Variants in SYCP3 observed in about 807,000 individuals in gnomAD.
SYCP3 encodes synaptonemal complex protein 3.
In SYCP3, 29 loss-of-function variants were observed where a neutral mutation model predicts 38.5. That is an observed-to-expected ratio of 0.75 (90% CI 0.56 to 1.03). The LOEUF (loss-of-function observed/expected upper bound fraction) is 1.03, where lower values mean the gene tolerates loss of function less well. Among genes scored for constraint, SYCP3 ranks in the 50% least tolerant of loss-of-function variants. SYCP3 has a pLI of 0.00. For synonymous variants in SYCP3, 79 were observed against 80.3 expected (o/e 0.98, Z 0.08); for missense variants, 242 against 270.7 (o/e 0.89, Z 0.74).
intron 4 of SYCP3, among the ~76,000 whole-genome samples, chr12:101,735,872 T>TATATATATATA (rs200896843): frequency 1.4e-4 from 10 of 69,490 alleles, no homozygotes; most frequent in Admixed American, 2.8e-4. Context: ...TATATATATA[T>TATATATATATA]TTTTTTTTTT....
chr12:101,736,037 A>AAT (rs1952429609), intron 4 of SYCP3, among the ~76,000 whole-genome samples: 1 of 150,006 alleles, frequency 6.7e-6, no homozygotes, highest in East Asian at 2.0e-4. Context: ...TTTTTTACTA[A>AAT]GAGACAAAGA....
At chr12:101,737,330 G>C (rs1056150494) in intron 2 of SYCP3, 32 bp from the exon 3 acceptor site, 66 of 1,188,384 alleles carry the variant, frequency 5.6e-5, no homozygotes, top group Non-Finnish European at 7.8e-5. Flanking sequence ...AAAAAAAAAA[G>C]CTTTTGAAAC....
intron 1 of SYCP3, among the ~76,000 whole-genome samples, chr12:101,738,610 C>G (rs1311299075): frequency 6.6e-6 from 1 of 152,162 alleles, no homozygotes; most frequent in African/African-American, 2.4e-5. Flanking sequence ...GTGGCGGGTG[C>G]CTATGATCTC....
rs11110986 is a variant in SYCP3, at chr12:101,731,312, G to A, written c.552+256C>T. ...ATGACTGAAGTGTTATTAAAGTATG[G>A]ATTTTATGCATGATAAGTATATTTC... On this transcript the variant is annotated intron_variant, in intron 7 of 8. Transcript: ENST00000392924. Among the ~76,000 whole-genome samples, 27,073 of 151,990 alleles carry A rather than the reference G, an allele frequency of 0.18. 2,774 individuals carry two copies. Among genetic ancestry groups the A allele is most frequent in the East Asian group, 0.49 (2,519 of 5,174 alleles).
chr12:101,736,934 G>T, intron 4 of SYCP3, 103 bp downstream of exon 4: 1 of 1,033,410 alleles, frequency 9.7e-7, no homozygotes, highest in Non-Finnish European at 1.5e-6. Context: ...TGAGAACAAG[G>T]CATTAAATAA....
intron 5 of SYCP3, among the ~76,000 whole-genome samples, 186 bp from the exon 6 acceptor site, chr12:101,733,860 AAACT>A (rs1952285337): frequency 6.6e-6 from 1 of 152,136 alleles, no homozygotes; most frequent in Non-Finnish European, 1.5e-5. Context: ...TTTTTCTAAC[AAACT>A]AATAGAAGAA....
chr12:101,732,320 A>C (rs1037130422), intron 6 of SYCP3: 5 of 152,266 alleles, frequency 3.3e-5, no homozygotes, highest in Non-Finnish European at 7.3e-5. Context: ...TCAATAATCT[A>C]TCAGTGCCAC....
chr12:101,737,401 T>C (rs1281777319), intron 2 of SYCP3, 103 bp from the exon 3 acceptor site: 2 of 1,095,196 alleles, frequency 1.8e-6, no homozygotes, highest in South Asian at 1.4e-5. Flanking sequence ...TTTAGGCTTT[T>C]TGCCAACATA....
rs1328511183 is a variant in SYCP3 at position 101,739,390 on chromosome 12, G to T, written c.-57C>A. ...AATGGCCGAGGACCAGTTACTGGTC[G>T]TCGACAGGCGTCCTCCACAACTCCT... On this transcript the variant is annotated 5_prime_UTR_variant, in exon 1 of 9. Transcript: ENST00000392924. 1 of 1,002,600 alleles carries T rather than the reference G, an allele frequency of 1.0e-6. No individual in the cohort carries two copies. The highest frequency in any genetic ancestry group is 1.7e-5 in the African/African-American group (1 of 57,324). 62.1% of individuals were successfully genotyped at this position (1,002,600 alleles called of 1,614,324 possible).
intron 5 of SYCP3, among the ~76,000 whole-genome samples, chr12:101,734,653 T>C (rs1952327398): frequency 6.6e-6 from 1 of 152,150 alleles, no homozygotes; most frequent in Non-Finnish European, 1.5e-5. Flanking sequence ...TAGAGTGCAG[T>C]GTCACGACCT....
chr12:101,728,826 A>G lies in SYCP3; in HGVS notation c.*101T>C. ...CAATGAAACAGGTTTATGATTAAAGATGTTACAATTAAACTATTCTAAAGA... is the reference window on the plus strand; with the variant it reads ...CAATGAAACAGGTTTATGATTAAAGGTGTTACAATTAAACTATTCTAAAGA... On this transcript the variant is annotated 3_prime_UTR_variant, in exon 9 of 9. Transcript: ENST00000392924. The G allele has an allele frequency of 6.5e-7, 1 of 1,535,604 alleles. No individual in the cohort carries two copies. Among genetic ancestry groups the G allele is most frequent in the South Asian group, 1.2e-5 (1 of 86,528 alleles).
In SYCP3 at chr12:101,737,041, A is replaced by G; in HGVS notation, c.231T>C (p.Val77=). 1 of 1,613,874 alleles carries G rather than the reference A, an allele frequency of 6.2e-7. No homozygotes were observed. The highest frequency in any genetic ancestry group is 1.1e-5 in the South Asian group (1 of 91,072). ...GGEVQNMLEG[V]GVDINKALLA... ...CAAGTATCTCCTAAAACCTACCTCC[A>G]ACTCCTTCCAGCATATTCTGCACTT... The change falls in exon 4 of 9, where the codon GTT becomes GTC. Residue 77 remains valine, a synonymous_variant. Coordinates refer to ENST00000392924, the MANE Select transcript of SYCP3 (RefSeq NM_001177949.2).
intron 5 of SYCP3, among the ~76,000 whole-genome samples, chr12:101,734,197 A>G (rs1459424993): frequency 6.6e-6 from 1 of 152,260 alleles, no homozygotes; most frequent in Non-Finnish European, 1.5e-5. Context: ...AACATAATTC[A>G]CCATCATAAG....
At chr12:101,734,243 C>T (rs919476892) in intron 5 of SYCP3, among the ~76,000 whole-genome samples, 11 of 152,102 alleles carry the variant, frequency 7.2e-5, no homozygotes, top group African/African-American at 2.7e-4. Flanking sequence ...TTTTATTCAA[C>T]TAGTGTATTT....
intron 7 of SYCP3, chr12:101,730,425 A>G: frequency 2.5e-6 from 1 of 407,412 alleles, no homozygotes; most frequent in Non-Finnish European, 4.7e-6. Context: ...TGGTTCTCAG[A>G]GCATTGGAAC....
At chr12:101,732,963 G>C (rs916267014) in intron 6 of SYCP3, 1 of 152,408 alleles carries the variant, frequency 6.6e-6, no homozygotes, top group African/African-American at 2.4e-5. Context: ...CCACCACCAC[G>C]CCCAGCCTTT....
intron 7 of SYCP3, 170 bp from the exon 8 acceptor site, chr12:101,729,383 G>A: frequency 7.6e-6 from 5 of 659,802 alleles, no homozygotes; most frequent in East Asian, 2.9e-5. Context: ...TACTAAAAAA[G>A]AAAAAATATA....
rs115013475 is a variant in SYCP3 at position 101,728,744 on chromosome 12, T to C, written c.*183A>G. 2,667 of 761,196 alleles carry C rather than the reference T, an allele frequency of 3.5e-3. 51 individuals are homozygous for C. In the African/African-American group the frequency reaches 0.043, roughly 12 times the overall value. The allele number at this position is 761,196 out of a possible 1,614,324, so 47.2% of individuals were successfully genotyped here. ...AAGCTTAATACATATTCTTTAGGAA[T>C]AGTTGCTAACTAACTCATAACTATT... On this transcript the variant is annotated 3_prime_UTR_variant, in exon 9 of 9. Coordinates refer to ENST00000392924, the MANE Select transcript of SYCP3 (RefSeq NM_001177949.2).
intron 7 of SYCP3, 21 bp downstream of exon 7, chr12:101,731,547 G>T (rs749412161): frequency 1.4e-6 from 2 of 1,477,712 alleles, no homozygotes; most frequent in East Asian, 4.6e-5. Context: ...ACGATGTATT[G>T]TGTTACCACA....
Sources: gnomAD v4.1 joint callset for allele counts (sites outside exome capture counted in the v4.1 genomes callset) on GRCh38, gnomAD v4.1.1 for gene constraint, MANE v1.5 for transcripts, NCBI Gene and HGNC (gene_info 2026-07-23, HGNC 2026-07-21) for gene names.